Variants in THSD4 observed in about 807,000 individuals in gnomAD.
The protein encoded by THSD4 is thrombospondin type 1 domain containing 4.
THSD4 carries 69 observed loss-of-function variants against 119.0 expected under a neutral mutation model. The observed-to-expected ratio is 0.58, with a 90% CI of 0.48 to 0.71. The LOEUF is 0.71. Ranked by LOEUF, THSD4 falls within the 30% of genes least tolerant of loss-of-function variation. The probability of loss-of-function intolerance (pLI) is 0.00; values close to 1 mark genes in which losing one functional copy is unlikely to be tolerated. For missense variants in THSD4, 1,393 were observed against 1,391.1 expected (o/e 1.00, Z -0.02); for synonymous variants, 524 against 540.4 (o/e 0.97, Z 0.42).
At chr15:71,452,967 A>C (rs2047286668) in intron 7 of THSD4, among the ~76,000 whole-genome samples, 1 of 152,158 alleles carries the variant, frequency 6.6e-6, no homozygotes, top group Non-Finnish European at 1.5e-5. Context: ...CTGTGATGAA[A>C]TTGGTGCTCT....
intron 1 of THSD4, among the ~76,000 whole-genome samples, chr15:71,102,630 T>A (rs547296935): frequency 4.6e-5 from 7 of 152,286 alleles, no homozygotes; most frequent in African/African-American, 1.7e-4. Flanking sequence ...AATGGTGTGA[T>A]CTTGGCTCAC....
At chr15:71,103,968 T>C (rs982624396) in intron 1 of THSD4, among the ~76,000 whole-genome samples, 2 of 152,186 alleles carry the variant, frequency 1.3e-5, no homozygotes, top group Admixed American at 6.5e-5. Context: ...ACTACTGATT[T>C]AGTGGGACTT....
At chr15:71,660,871 C>A in intron 8 of THSD4, 137 bp downstream of exon 8, 1 of 945,350 alleles carries the variant, frequency 1.1e-6, no homozygotes, top group Non-Finnish European at 1.6e-6. Context: ...GTCAAAGTAC[C>A]ACCTGGCCTG....
intron 6 of THSD4, among the ~76,000 whole-genome samples, chr15:71,386,212 TA>T (rs1238539853): frequency 2.0e-5 from 3 of 152,120 alleles, no homozygotes; most frequent in Non-Finnish European, 2.9e-5. Flanking sequence ...TGACTTCCAT[TA>T]AAAATCAAAG....
intron 5 of THSD4, among the ~76,000 whole-genome samples, chr15:71,249,176 A>G (rs1346574052): frequency 6.6e-6 from 1 of 152,170 alleles, no homozygotes; most frequent in Non-Finnish European, 1.5e-5. Context: ...ATATATATGT[A>G]TACATGTATA....
At chr15:71,654,402 T>G (rs1339970622) in intron 7 of THSD4, among the ~76,000 whole-genome samples, 2 of 152,226 alleles carry the variant, frequency 1.3e-5, no homozygotes, top group African/African-American at 4.8e-5. Flanking sequence ...CCAGAATAGA[T>G]TAACTGTTTC....
At chr15:71,733,901 C>G (rs2053029646) in intron 10 of THSD4, 1 of 125,726 alleles carries the variant, frequency 8.0e-6, no homozygotes, top group Non-Finnish European at 1.6e-5. Flanking sequence ...CAGAGTGAGA[C>G]TCTGTCTCCA....
At chr15:71,590,999 C>A (rs1359375749) in intron 7 of THSD4, among the ~76,000 whole-genome samples, 5 of 40,548 alleles carry the variant, frequency 1.2e-4, no homozygotes, top group Non-Finnish European at 2.4e-4. Flanking sequence ...GAGCAAGACT[C>A]CATCTCAAAA....
intron 6 of THSD4, among the ~76,000 whole-genome samples, chr15:71,321,854 T>C (rs1225077724): frequency 1.3e-5 from 2 of 152,078 alleles, no homozygotes; most frequent in African/African-American, 4.8e-5. Flanking sequence ...TAAAAGAATA[T>C]TAAAATATTA....
intron 3 of THSD4, among the ~76,000 whole-genome samples, chr15:71,205,340 T>G (rs988610725): frequency 5.9e-5 from 9 of 152,160 alleles, no homozygotes; most frequent in African/African-American, 2.2e-4. Flanking sequence ...ATTCTCCAAC[T>G]GGGAGGACAC....
At chr15:71,202,655 T>C (rs1214558173) in intron 3 of THSD4, among the ~76,000 whole-genome samples, 1 of 152,184 alleles carries the variant, frequency 6.6e-6, no homozygotes, top group Non-Finnish European at 1.5e-5. Context: ...AATTCAGCCG[T>C]TTTCCCCCAT....
chr15:71,668,096 A>G (rs930167330), intron 8 of THSD4, among the ~76,000 whole-genome samples: 7 of 152,092 alleles, frequency 4.6e-5, no homozygotes, highest in Admixed American at 4.6e-4. Context: ...TTATTTAGGT[A>G]CTTCCCTACT....
At chr15:71,287,551 G>A (rs937216173) in intron 6 of THSD4, among the ~76,000 whole-genome samples, 2 of 152,162 alleles carry the variant, frequency 1.3e-5, no homozygotes, top group South Asian at 2.1e-4. Flanking sequence ...CAAGCTTCAC[G>A]TGGTGAAGAG....
At chr15:71,374,206 T>C (rs748061914) in intron 6 of THSD4, among the ~76,000 whole-genome samples, 3 of 152,176 alleles carry the variant, frequency 2.0e-5, no homozygotes, top group Non-Finnish European at 2.9e-5. Context: ...AACTCTCAAA[T>C]GGGGGATGCA....
rs149529917 is a variant in THSD4, at chr15:71,323,471, G to A, written c.1015+66756G>A. On this transcript the variant is annotated intron_variant, in intron 6 of 17. Coordinates refer to ENST00000261862, the MANE Select transcript of THSD4 (RefSeq NM_024817.3). ...TGGGATTGTTCAGAGAGCCAGTGGG[G>A]GCAGGTAGAAAAGCCTGTTCCATTC... Among the ~76,000 whole-genome samples the A allele has an allele frequency of 8.5e-5, 13 of 152,340 alleles. No individual in the cohort carries two copies. The East Asian group carries it at 2.1e-3, about 25-fold the overall frequency.
intron 8 of THSD4, among the ~76,000 whole-genome samples, chr15:71,726,967 C>G (rs893681695): frequency 6.6e-6 from 1 of 151,828 alleles, no homozygotes; most frequent in African/African-American, 2.4e-5. Context: ...CTTCTCTAAA[C>G]CAGTCCTCCT....
intron 7 of THSD4, among the ~76,000 whole-genome samples, chr15:71,561,220 T>C (rs1360467278): frequency 2.0e-5 from 3 of 152,072 alleles, no homozygotes; most frequent in East Asian, 3.9e-4. Flanking sequence ...GTGATCCACC[T>C]GCCTCAGCCT....
At chr15:71,759,896 A>T (rs2053602486) in intron 15 of THSD4, among the ~76,000 whole-genome samples, 1 of 152,144 alleles carries the variant, frequency 6.6e-6, no homozygotes, top group Admixed American at 6.5e-5. Context: ...CTGTTGTCCA[A>T]AAGGGTCAAG....
intron 7 of THSD4, among the ~76,000 whole-genome samples, chr15:71,515,920 C>A (rs2048355060): frequency 6.6e-6 from 1 of 152,112 alleles, no homozygotes; most frequent in Non-Finnish European, 1.5e-5. Flanking sequence ...ATGTAATGAC[C>A]TGGGGGTTGC....
Sources: allele counts gnomAD v4.1 joint callset (sites outside exome capture counted in the v4.1 genomes callset), GRCh38; gene constraint gnomAD v4.1.1; transcripts MANE v1.5; gene names NCBI Gene and HGNC (gene_info 2026-07-23, HGNC 2026-07-21).